PRSS55: variants seen among roughly 807,000 people sequenced by gnomAD.
The protein encoded by PRSS55 is serine protease 55.
PRSS55 carries 41 observed loss-of-function variants against 23.6 expected under a neutral mutation model. The observed-to-expected ratio is 1.74, with a 90% CI of 1.35 to 2.26. The LOEUF is 2.26. Among genes scored for constraint, PRSS55 ranks in the 30% most tolerant of loss-of-function variants. The pLI is 0.00. For missense variants in PRSS55, 669 were observed against 439.1 expected, an observed-to-expected ratio of 1.52 and a Z score of -4.68; for synonymous variants, 262 against 175.5, an observed-to-expected ratio of 1.49 and a Z score of -3.90.
chr8:10,535,625 G>A (rs1158535299), intron 4 of PRSS55, among the ~76,000 whole-genome samples: 2 of 152,118 alleles, frequency 1.3e-5, no homozygotes, highest in Non-Finnish European at 2.9e-5. Context: ...CTAAAAGAAA[G>A]TCACACTACA....
Position 10,529,643 on chromosome 8 carries a change from C to T in PRSS55, c.291C>T (p.Ile97=), listed in dbSNP as rs768897062. ...GTGAACCTTTCTGTGGCGGCTCCATCCTCAACAAGTGGTGGATTCTCACTG... is the reference window on the plus strand; with the variant it reads ...GTGAACCTTTCTGTGGCGGCTCCATTCTCAACAAGTGGTGGATTCTCACTG... ...ARSEPFCGGS[I]LNKWWILTAA... Residue 97 remains isoleucine (I), a synonymous_variant, in exon 2 of 5, where the codon ATC becomes ATT. Transcript: ENST00000328655. 3.7e-6 allele frequency: 6 copies of T among 1,614,158 alleles called. No homozygotes were observed. The East Asian group carries it at 6.7e-5, about 18-fold the overall frequency.
rs1298507947 is a variant in PRSS55, at chr8:10,529,692, G to A, written c.340G>A (p.Glu114Lys). Reference sequence around the variant, plus strand: ...TGCGGCTCACTGCTTATATTCCGAGGAGCTGTTGTAAGTACCATGGGCCTC... The same window carrying A: ...TGCGGCTCACTGCTTATATTCCGAGAAGCTGTTGTAAGTACCATGGGCCTC... Reference protein sequence around the residue: ...LTAAHCLYSEELFPEELSVVL... With the variant: ...LTAAHCLYSEKLFPEELSVVL... Residue 114 changes from glutamate (E) to lysine (K), a missense_variant, in exon 2 of 5, where the codon GAG becomes AAG. Coordinates refer to ENST00000328655, the MANE Select transcript of PRSS55 (RefSeq NM_198464.4). 3.4e-5 allele frequency: 55 copies of A among 1,613,124 alleles called. No homozygotes were observed. Among genetic ancestry groups the A allele is most frequent in the Non-Finnish European group, 4.5e-5 (53 of 1,179,320 alleles).
downstream of PRSS55, among the ~76,000 whole-genome samples, chr8:10,542,947 G>C (rs1460213328): frequency 2.0e-5 from 3 of 151,618 alleles, no homozygotes; most frequent in African/African-American, 4.9e-5. Flanking sequence ...TCAGGTGTCT[G>C]TGGCTGTTTT....
intron 4 of PRSS55, among the ~76,000 whole-genome samples, chr8:10,544,382 T>C (rs1358647658): frequency 6.6e-6 from 1 of 150,848 alleles, no homozygotes; most frequent in African/African-American, 2.5e-5. Context: ...TCTGTTTCTT[T>C]TTATTTTTAA....
At chr8:10,531,062 C>G (rs1345415638) in intron 2 of PRSS55, among the ~76,000 whole-genome samples, 1 of 152,048 alleles carries the variant, frequency 6.6e-6, no homozygotes, top group African/African-American at 2.4e-5. Context: ...CCTGGGGCCC[C>G]TGATGGTGCA....
At chr8:10,542,040 G>A (rs1386308819), downstream of PRSS55, among the ~76,000 whole-genome samples, 1 of 152,206 alleles carries the variant, frequency 6.6e-6, no homozygotes, top group East Asian at 1.9e-4. Flanking sequence ...GCCTCCCAAA[G>A]TGCTGTGATG....
At chr8:10,533,234 T>C (rs976697135) in intron 4 of PRSS55, among the ~76,000 whole-genome samples, 186 bp downstream of exon 4, 1 of 152,220 alleles carries the variant, frequency 6.6e-6, no homozygotes, top group Admixed American at 6.5e-5. Flanking sequence ...GTGAGCACCC[T>C]GGGAGTCAAT....
chr8:10,540,849 C>G (rs1812635683), downstream of PRSS55: 1 of 152,330 alleles, frequency 6.6e-6, no homozygotes, highest in South Asian at 2.1e-4. Flanking sequence ...GGGACTCAGG[C>G]AGGCCCAGTG....
intron 4 of PRSS55, among the ~76,000 whole-genome samples, chr8:10,551,183 T>A (rs1441434186): frequency 6.6e-6 from 1 of 152,236 alleles, no homozygotes; most frequent in African/African-American, 2.4e-5. Flanking sequence ...AAGGTCGTGC[T>A]TCATGGCTGA....
rs555727273 is a variant in PRSS55 at position 10,552,068 on chromosome 8, C to A, written c.742-1875C>A. On this transcript the variant is annotated intron_variant, in intron 4 of 4. Coordinates refer to the PRSS55 transcript ENST00000522210. ...CCGTTTCCTGCCTTGCCTCAGTAAG[C>A]CTTCATGTGCTCTGTGCAAAGGGAA... Among the ~76,000 whole-genome samples, 26 of 152,254 alleles carry A rather than the reference C, an allele frequency of 1.7e-4. No individual in the cohort carries two copies. In the East Asian group the frequency reaches 3.3e-3, roughly 19 times the overall value.
intron 4 of PRSS55, among the ~76,000 whole-genome samples, chr8:10,545,841 T>C (rs553383559): frequency 6.6e-6 from 1 of 152,352 alleles, no homozygotes; most frequent in Non-Finnish European, 1.5e-5. Flanking sequence ...AGTGCATGTT[T>C]AATTCTGAGT....
chr8:10,540,048 G>T (rs944184684), downstream of PRSS55, among the ~76,000 whole-genome samples: 23 of 152,136 alleles, frequency 1.5e-4, no homozygotes, highest in African/African-American at 5.3e-4. Flanking sequence ...ATGTTCAGAG[G>T]CTCTCGCCTC....
intron 4 of PRSS55, among the ~76,000 whole-genome samples, chr8:10,550,982 G>A (rs987926867): frequency 1.3e-5 from 2 of 152,206 alleles, no homozygotes; most frequent in African/African-American, 4.8e-5. Flanking sequence ...CCCAACAGCT[G>A]ACATGGACCC....
chr8:10,543,454 TCCTTCC>T (rs1320591496), downstream of PRSS55, among the ~76,000 whole-genome samples: 1 of 32,446 alleles, frequency 3.1e-5, no homozygotes, highest in Admixed American at 4.2e-4. Flanking sequence ...CATCCTTCCT[TCCTTCC>T]TTCCTTTCTT....
intron 1 of PRSS55, among the ~76,000 whole-genome samples, chr8:10,528,664 C>T (rs554403633): frequency 6.8e-4 from 104 of 152,294 alleles, no homozygotes; most frequent in African/African-American, 2.3e-3. Context: ...CTATGCCCCA[C>T]CCCTTGTGGT....
At chr8:10,527,066 T>C (rs1018330623) in intron 1 of PRSS55, among the ~76,000 whole-genome samples, 2 of 152,194 alleles carry the variant, frequency 1.3e-5, no homozygotes, top group African/African-American at 2.4e-5. Flanking sequence ...GTTCATGTAC[T>C]TCCTTCCATA....
intron 1 of PRSS55, among the ~76,000 whole-genome samples, chr8:10,526,348 G>A (rs966253781): frequency 6.6e-6 from 1 of 152,210 alleles, no homozygotes; most frequent in Non-Finnish European, 1.5e-5. Flanking sequence ...GTTGCCCCAG[G>A]GGGAAATGAT....
chr8:10,533,377 T>C (rs913975940), intron 4 of PRSS55, among the ~76,000 whole-genome samples: 5 of 152,204 alleles, frequency 3.3e-5, no homozygotes, highest in Non-Finnish European at 5.9e-5. Context: ...TAAGAAGTCA[T>C]TTTAGTTCAT....
At chr8:10,529,274 A>G (rs998641752) in intron 1 of PRSS55, 22 of 580,394 alleles carry the variant, frequency 3.8e-5, no homozygotes, top group Non-Finnish European at 6.5e-5. Context: ...GGATAGAGTC[A>G]GAGCCAATGC....
Sources: allele counts gnomAD v4.1 joint callset (sites outside exome capture counted in the v4.1 genomes callset), GRCh38; gene constraint gnomAD v4.1.1; transcripts MANE v1.5; gene names NCBI Gene and HGNC (gene_info 2026-07-23, HGNC 2026-07-21).